The following DYNC2I1 variants were observed in gnomAD, a reference collection of about 807,000 sequenced individuals.
DYNC2I1 encodes cytoplasmic dynein 2 intermediate chain 1.
In DYNC2I1, 89 loss-of-function variants were observed where a neutral mutation model predicts 133.4. That is an observed-to-expected ratio of 0.67 (90% CI 0.56 to 0.80). The LOEUF (loss-of-function observed/expected upper bound fraction) is 0.80. DYNC2I1 is among the 30% of genes least tolerant of loss of function. DYNC2I1 has a pLI of 0.00. For synonymous variants in DYNC2I1, 504 were observed against 484.3 expected, an observed-to-expected ratio of 1.04 and a Z score of -0.54; for missense variants, 1,291 against 1,314.5, an observed-to-expected ratio of 0.98 and a Z score of 0.28.
downstream of DYNC2I1, among the ~76,000 whole-genome samples, chr7:158,947,004 G>A (rs1040309144): frequency 2.0e-5 from 3 of 152,242 alleles, no homozygotes; most frequent in African/African-American, 7.2e-5. Context: ...CCAGCCACCC[G>A]AGCAACCGCC....
intron 20 of DYNC2I1, among the ~76,000 whole-genome samples, chr7:158,929,902 G>T (rs1230195027): frequency 6.6e-6 from 1 of 152,184 alleles, no homozygotes; most frequent in East Asian, 1.9e-4. Context: ...CCTCAGAGCC[G>T]TGGCTCTGTG....
intron 1 of DYNC2I1, among the ~76,000 whole-genome samples, chr7:158,868,160 C>T (rs1265892971): frequency 6.6e-6 from 1 of 152,268 alleles, no homozygotes; most frequent in East Asian, 1.9e-4. Flanking sequence ...ATCAGCTTGA[C>T]TTGTAAAGGA....
intron 14 of DYNC2I1, among the ~76,000 whole-genome samples, chr7:158,914,544 A>G (rs1191178773): frequency 9.2e-5 from 14 of 152,248 alleles, no homozygotes; most frequent in Non-Finnish European, 8.8e-5. Flanking sequence ...CTGAAGTACT[A>G]TGTGTGTATT....
At chr7:158,868,640 C>T (rs575868056) in intron 1 of DYNC2I1, among the ~76,000 whole-genome samples, 41 of 152,334 alleles carry the variant, frequency 2.7e-4, no homozygotes, top group South Asian at 8.3e-4. Context: ...GCCAGAGACA[C>T]GGGTGAGCTT....
chr7:158,856,273 G>T (rs1841219813), upstream of DYNC2I1, among the ~76,000 whole-genome samples: 1 of 152,092 alleles, frequency 6.6e-6, no homozygotes, highest in Admixed American at 6.5e-5. Flanking sequence ...TTCAATATCT[G>T]CTCTCCCTTT....
At chr7:158,845,441 G>T in the DYNC2I1 span, among the ~76,000 whole-genome samples, 1 of 152,162 alleles carries the variant, frequency 6.6e-6, no homozygotes. Flanking sequence ...TGCATTTATT[G>T]ATCAAGTGGT....
At chr7:158,958,372 TTC>T (rs1852253861), downstream of DYNC2I1, among the ~76,000 whole-genome samples, 2 of 152,348 alleles carry the variant, frequency 1.3e-5, no homozygotes, top group Admixed American at 6.5e-5. Context: ...AGCGTGCGCG[TTC>T]TCTCTTCCTC....
chr7:158,917,010 G>A (rs13307592), intron 14 of DYNC2I1, among the ~76,000 whole-genome samples: 1 of 48,798 alleles, frequency 2.0e-5, no homozygotes, highest in South Asian at 6.3e-4. Flanking sequence ...ATTGTGAAAC[G>A]TCGACACGCT....
chr7:158,932,747 A>G (rs10234399), intron 21 of DYNC2I1, among the ~76,000 whole-genome samples: 11 of 152,284 alleles, frequency 7.2e-5, no homozygotes, highest in Non-Finnish European at 1.5e-5. Flanking sequence ...AGTGACTGAC[A>G]TGAACAACCA....
In DYNC2I1 at chr7:158,930,484, G is replaced by A. The variant is rs1305756527; in HGVS notation, c.2515G>A (p.Val839Ile). The change falls in exon 21 of 25, where the codon GTA (valine) becomes ATA (isoleucine). Residue 839 changes from valine to isoleucine, a missense_variant. Physicochemically the swap from Val to Ile is conservative, Grantham distance 29 (BLOSUM62 3). Transcript: ENST00000407559. The stretch of plus-strand genomic sequence containing the variant: ...GATGCCTGGAGGGAGGGTCAAGCTG[G>A]TACATAGTGCTCTGATCCAGTTGGG... ...GLMPGGRVKL[V>I]HSALIQLGDS... 1.2e-6 allele frequency: 2 copies of A among 1,613,104 alleles called. No individual in the cohort carries two copies. The highest frequency in any genetic ancestry group is 1.1e-5 in the South Asian group (1 of 90,636).
intron 5 of DYNC2I1, among the ~76,000 whole-genome samples, chr7:158,884,353 C>G (rs536625078): frequency 5.3e-5 from 8 of 152,184 alleles, no homozygotes; most frequent in Non-Finnish European, 8.8e-5. Context: ...CATAATCACC[C>G]TTTTATATAT....
intron 24 of DYNC2I1, among the ~76,000 whole-genome samples, chr7:158,943,731 G>T (rs918379817): frequency 6.6e-6 from 1 of 152,128 alleles, no homozygotes; most frequent in Non-Finnish European, 1.5e-5. Context: ...CGCACCCTTC[G>T]GTTCTGGAGC....
intron 1 of DYNC2I1, among the ~76,000 whole-genome samples, chr7:158,861,460 T>C (rs1426736548): frequency 6.6e-6 from 1 of 152,186 alleles, no homozygotes; most frequent in Non-Finnish European, 1.5e-5. Flanking sequence ...CCGTCCCGCC[T>C]GCAGTTACTG....
At chr7:158,949,903 C>T (rs1470977172), downstream of DYNC2I1, among the ~76,000 whole-genome samples, 2 of 152,028 alleles carry the variant, frequency 1.3e-5, no homozygotes, top group African/African-American at 4.8e-5. Flanking sequence ...TCCCAAGTAT[C>T]TGGGATTACA....
chr7:158,857,074 G>T (rs906332838), intron 1 of DYNC2I1, among the ~76,000 whole-genome samples: 4 of 152,156 alleles, frequency 2.6e-5, no homozygotes, highest in Non-Finnish European at 5.9e-5. Flanking sequence ...GGCCGGGGTG[G>T]CTGAGGAGAC....
In DYNC2I1 at chr7:158,879,693, G is replaced by A. The variant is rs760864089; in HGVS notation, c.583G>A (p.Gly195Arg). The change falls in exon 5 of 25, where the codon GGA (glycine) becomes AGA (arginine). Residue 195 changes from glycine (G) to arginine (R), a missense_variant. By Grantham distance (125) the Gly-to-Arg change is moderately radical (BLOSUM62 -2). Transcript: ENST00000407559. Reference protein sequence around the residue: ...RRYRERKLQYGDSKDNPLKYW... With the variant: ...RRYRERKLQYRDSKDNPLKYW... ...TTGTCGTGTTTTACAGCTGCAGTACGGAGACAGCAAGGACAACCCTCTCAA... is the reference window on the plus strand; with the variant it reads ...TTGTCGTGTTTTACAGCTGCAGTACAGAGACAGCAAGGACAACCCTCTCAA... The A allele has an allele frequency of 3.6e-5, 57 of 1,582,000 alleles. No individual in the cohort carries two copies. The highest frequency in any genetic ancestry group is 4.4e-5 in the Non-Finnish European group (52 of 1,169,776).
At chr7:158,952,784 G>T (rs12698304) in intron 4 of DYNC2I1, among the ~76,000 whole-genome samples, 25,856 of 149,864 alleles carry the variant, frequency 0.17, 3,552 homozygotes, top group East Asian at 0.45. Context: ...CAGCCGCGTC[G>T]TAAGACAGAA....
chr7:158,926,968 T>C (rs1194101805), intron 19 of DYNC2I1, 24 bp from the exon 20 acceptor site: 3 of 1,545,420 alleles, frequency 1.9e-6, no homozygotes, highest in South Asian at 2.3e-5. Flanking sequence ...GTATCAATAT[T>C]CATTTTCAAT....
intron 11 of DYNC2I1, among the ~76,000 whole-genome samples, chr7:158,908,662 T>C (rs866930616): frequency 2.2e-4 from 34 of 152,126 alleles, no homozygotes; most frequent in African/African-American, 7.0e-4. Flanking sequence ...TCCTTAGGTG[T>C]TGGAAGAGCT....
Sources: gnomAD v4.1 joint callset for allele counts (sites outside exome capture counted in the v4.1 genomes callset) on GRCh38, gnomAD v4.1.1 for gene constraint, MANE v1.5 for transcripts, NCBI Gene and HGNC (gene_info 2026-07-23, HGNC 2026-07-21) for gene names.